ATP10D: variants seen among roughly 807,000 people sequenced by gnomAD.
ATP10D encodes the protein ATPase phospholipid transporting 10D (putative).
In ATP10D, 89 loss-of-function variants were observed where a neutral mutation model predicts 144.8. That is an observed-to-expected ratio of 0.61 (90% CI 0.52 to 0.73). ATP10D has a LOEUF of 0.73. ATP10D is among the 30% of genes least tolerant of loss of function. The pLI is 0.00. For missense variants in ATP10D, 1,603 were observed against 1,714.8 expected (o/e 0.93, Z 1.15); for synonymous variants, 571 against 615.1 (o/e 0.93, Z 1.06).
intron 15 of ATP10D, 77 bp downstream of exon 15, chr4:47,563,842 G>A (rs1385016508): frequency 4.6e-6 from 6 of 1,305,112 alleles, no homozygotes; most frequent in Middle Eastern, 2.1e-4. Flanking sequence ...TGTATGCAAG[G>A]ATTAAAAAAA....
chr4:47,504,325 A>G (rs2109393062), intron 1 of ATP10D, among the ~76,000 whole-genome samples: 1 of 152,308 alleles, frequency 6.6e-6, no homozygotes. Context: ...AGGGAGCAAT[A>G]CCAACATGTC....
At chr4:47,532,372 T>A (rs73237090) in intron 5 of ATP10D, among the ~76,000 whole-genome samples, 1 of 152,012 alleles carries the variant, frequency 6.6e-6, no homozygotes, top group African/African-American at 2.4e-5. Context: ...TCCTCTGATA[T>A]CCGTTTGCTT....
intron 3 of ATP10D, among the ~76,000 whole-genome samples, chr4:47,516,769 AT>A (rs1716710215): frequency 1.3e-5 from 2 of 152,128 alleles, no homozygotes; most frequent in Non-Finnish European, 2.9e-5. Flanking sequence ...TTTTTCTCTT[AT>A]ACTCATGTCC....
chr4:47,493,403 T>G (rs1715188784), intron 1 of ATP10D, among the ~76,000 whole-genome samples: 1 of 152,244 alleles, frequency 6.6e-6, no homozygotes, highest in South Asian at 2.1e-4. Flanking sequence ...TGTCTTTCGC[T>G]TCCAGTATAG....
In ATP10D at chr4:47,563,602, G is replaced by C; in HGVS notation, c.2690G>C (p.Arg897Pro). The C allele has an allele frequency of 6.2e-7, 1 of 1,608,086 alleles. No homozygotes were observed. The highest frequency in any genetic ancestry group is 1.1e-5 in the South Asian group (1 of 89,856). The change falls in exon 15 of 23, where the codon CGT becomes CCT. Residue 897 changes from arginine to proline, a missense_variant. Transcript: ENST00000273859. The stretch of plus-strand genomic sequence containing the variant: ...TTAGGTGCTACTGGCATTGAAGACC[G>C]TCTGCAGGAGGGAGTCCCTGAATCT... ...TLLGATGIED[R>P]LQEGVPESIE...
At chr4:47,543,375 TG>T (rs1718257277) in intron 9 of ATP10D, among the ~76,000 whole-genome samples, 3 of 152,318 alleles carry the variant, frequency 2.0e-5, no homozygotes, top group Admixed American at 2.0e-4. Context: ...ATAAATTCCT[TG>T]AGCTACTCAA....
intron 13 of ATP10D, among the ~76,000 whole-genome samples, chr4:47,559,657 G>C (rs1719188607): frequency 6.6e-6 from 1 of 152,100 alleles, no homozygotes; most frequent in African/African-American, 2.4e-5. Context: ...AGCTGCATTA[G>C]GGAAAGTGGG....
chr4:47,498,752 T>A (rs1230619679), intron 1 of ATP10D, among the ~76,000 whole-genome samples: 1 of 152,224 alleles, frequency 6.6e-6, no homozygotes, highest in Non-Finnish European at 1.5e-5. Flanking sequence ...CAGTTATTGG[T>A]TAAAACAGTA....
At chr4:47,561,204 G>T in intron 14 of ATP10D, 129 bp downstream of exon 14, 1 of 1,200,674 alleles carries the variant, frequency 8.3e-7, no homozygotes. Flanking sequence ...TGTCCAGTCT[G>T]ATCTCTATCC....
At chr4:47,523,517 A>G (rs187853879) in intron 4 of ATP10D, among the ~76,000 whole-genome samples, 3 of 152,332 alleles carry the variant, frequency 2.0e-5, no homozygotes, top group African/African-American at 7.2e-5. Context: ...ATTTTTAGTT[A>G]TCATTATTTC....
At chr4:47,523,507 AT>A (rs1419339998) in intron 4 of ATP10D, among the ~76,000 whole-genome samples, 3 of 152,198 alleles carry the variant, frequency 2.0e-5, no homozygotes, top group Non-Finnish European at 4.4e-5. Context: ...TTTGTATCTT[AT>A]TTTTAGTTAT....
chr4:47,581,099 T>C (rs1720492115), intron 20 of ATP10D, among the ~76,000 whole-genome samples: 1 of 152,138 alleles, frequency 6.6e-6, no homozygotes, highest in Admixed American at 6.5e-5. Context: ...ATATGAAAGC[T>C]TTTATTAGTG....
intron 11 of ATP10D, among the ~76,000 whole-genome samples, chr4:47,555,847 A>G (rs1421344087): frequency 6.6e-6 from 1 of 151,508 alleles, no homozygotes; most frequent in Admixed American, 6.6e-5. Context: ...TCCACCTCCC[A>G]GGTTCAAGCA....
intron 1 of ATP10D, among the ~76,000 whole-genome samples, chr4:47,507,296 T>C (rs1366648593): frequency 2.0e-5 from 3 of 152,206 alleles, no homozygotes; most frequent in South Asian, 2.1e-4. Flanking sequence ...CATTGAATCC[T>C]CATAGCAACC....
intron 11 of ATP10D, 120 bp downstream of exon 11, chr4:47,555,034 A>C (rs1253400730): frequency 1.0e-5 from 9 of 889,538 alleles, no homozygotes; most frequent in African/African-American, 5.1e-5. Flanking sequence ...GCTGTATAAC[A>C]CTGATTCAGC....
chr4:47,487,867 G>A (rs1197256859), intron 1 of ATP10D, among the ~76,000 whole-genome samples: 1 of 152,094 alleles, frequency 6.6e-6, no homozygotes, highest in Non-Finnish European at 1.5e-5. Context: ...GTTGGGCCAG[G>A]CACAGTGGCT....
intron 1 of ATP10D, among the ~76,000 whole-genome samples, chr4:47,505,996 A>G (rs1466095659): frequency 6.6e-6 from 1 of 152,188 alleles, no homozygotes; most frequent in African/African-American, 2.4e-5. Context: ...CTTTTCATTA[A>G]GCATTCATTA....
rs1255212616 is a variant in ATP10D, at chr4:47,591,408, C to T, written c.*27C>T. The stretch of plus-strand genomic sequence containing the variant: ...TACCCTCCTTGGAGTTGCAAGTATT[C>T]TTTCAAGGTTGGAAGAGGGATTTTG... On this transcript the variant is annotated 3_prime_UTR_variant, in exon 23 of 23. Coordinates refer to ENST00000273859, the MANE Select transcript of ATP10D (RefSeq NM_020453.4). 5.9e-6 allele frequency: 9 copies of T among 1,533,384 alleles called. No homozygotes were observed. The African/African-American group carries it at 1.2e-4, about 21-fold the overall frequency. The allele number at this position is 1,533,384 out of a possible 1,614,324, so 95.0% of individuals were successfully genotyped here.
chr4:47,548,509 G>T (rs1226958237), intron 10 of ATP10D, among the ~76,000 whole-genome samples: 3 of 152,144 alleles, frequency 2.0e-5, no homozygotes, highest in Non-Finnish European at 4.4e-5. Flanking sequence ...CTGAGAGAAG[G>T]ATTTATCCAT....
Sources: gnomAD v4.1 joint callset for allele counts (sites outside exome capture counted in the v4.1 genomes callset) on GRCh38, gnomAD v4.1.1 for gene constraint, MANE v1.5 for transcripts, NCBI Gene and HGNC (gene_info 2026-07-23, HGNC 2026-07-21) for gene names.